ZFAND3: variants seen among roughly 807,000 people sequenced by gnomAD.
ZFAND3 encodes the protein AN1-type zinc finger protein 3.
In ZFAND3, 10 loss-of-function variants were observed where a neutral mutation model predicts 29.6. The observed-to-expected ratio is 0.34, with a 90% CI of 0.21 to 0.57. ZFAND3 has a LOEUF of 0.57. Ranked by LOEUF, ZFAND3 falls within the 20% of genes least tolerant of loss-of-function variation. ZFAND3 has a pLI of 0.86. For synonymous variants in ZFAND3, 128 were observed against 112.6 expected (o/e 1.14, Z -0.87); for missense variants, 230 against 304.5 (o/e 0.76, Z 1.82).
At chr6:37,955,831 A>G (rs939042282) in intron 2 of ZFAND3, among the ~76,000 whole-genome samples, 47 of 152,346 alleles carry the variant, frequency 3.1e-4, no homozygotes, top group African/African-American at 1.1e-3. Context: ...GGTGAAATCT[A>G]AATTACATTG....
intron 2 of ZFAND3, among the ~76,000 whole-genome samples, chr6:38,018,596 C>T (rs1763290906): frequency 6.6e-6 from 1 of 152,098 alleles, no homozygotes; most frequent in South Asian, 2.1e-4. Context: ...CTCAGAATTT[C>T]TTGGAGGTCA....
At chr6:38,073,260 A>G (rs1404485239) in intron 3 of ZFAND3, among the ~76,000 whole-genome samples, 1 of 152,034 alleles carries the variant, frequency 6.6e-6, no homozygotes, top group Non-Finnish European at 1.5e-5. Flanking sequence ...TTTCTAAGGA[A>G]AGTGTTGCAG....
At chr6:38,063,292 T>C (rs1343462044) in intron 3 of ZFAND3, among the ~76,000 whole-genome samples, 1 of 152,152 alleles carries the variant, frequency 6.6e-6, no homozygotes, top group Non-Finnish European at 1.5e-5. Context: ...TCAAAGAATT[T>C]GAAGGGGAAA....
At chr6:37,955,308 A>G (rs1164889013) in intron 2 of ZFAND3, among the ~76,000 whole-genome samples, 3 of 152,200 alleles carry the variant, frequency 2.0e-5, no homozygotes, top group African/African-American at 7.2e-5. Flanking sequence ...CCTCCAGATC[A>G]TCTTTATTAA....
At chr6:37,928,844 A>G (rs1383515115) in intron 1 of ZFAND3, among the ~76,000 whole-genome samples, 30 of 152,092 alleles carry the variant, frequency 2.0e-4, no homozygotes, top group Non-Finnish European at 1.0e-4. Flanking sequence ...ATTGCCCACC[A>G]TGTAGTCCCT....
rs556757492 is a variant in ZFAND3, at chr6:38,126,616, T to C, written c.529+9877T>C. Among the ~76,000 whole-genome samples, 10 of 152,364 alleles carry C rather than the reference T, an allele frequency of 6.6e-5. No homozygotes were observed. In the South Asian group the frequency reaches 1.9e-3, roughly 28 times the overall value. ...GTGGCTGTGTAGTAGTATCTCATTA[T>C]GGTATATTAATTTGTATTTCCCTAA... On this transcript the variant is annotated intron_variant, in intron 5 of 5. Coordinates refer to ENST00000287218, the MANE Select transcript of ZFAND3 (RefSeq NM_021943.3).
chr6:37,989,419 CA>C (rs1220831471), intron 2 of ZFAND3, among the ~76,000 whole-genome samples: 1 of 152,182 alleles, frequency 6.6e-6, no homozygotes, highest in African/African-American at 2.4e-5. Flanking sequence ...GGTTTACAGA[CA>C]CCTTCTTGCT....
intron 4 of ZFAND3, among the ~76,000 whole-genome samples, chr6:38,093,483 T>C (rs369813222): frequency 7.6e-4 from 116 of 152,268 alleles, no homozygotes; most frequent in African/African-American, 2.7e-3. Context: ...GAAACAATGA[T>C]TAAAACTGTG....
At chr6:37,966,724 AAAC>A (rs1475069513) in intron 2 of ZFAND3, among the ~76,000 whole-genome samples, 2 of 152,158 alleles carry the variant, frequency 1.3e-5, no homozygotes, top group Admixed American at 1.3e-4. Flanking sequence ...TTTGTAACTA[AAAC>A]AAAATGTCCA....
chr6:38,066,732 T>C (rs1464150884), intron 3 of ZFAND3, among the ~76,000 whole-genome samples: 1 of 152,046 alleles, frequency 6.6e-6, no homozygotes, highest in Non-Finnish European at 1.5e-5. Flanking sequence ...GTGGTGAGAG[T>C]CTGGGTACAT....
chr6:37,979,579 A>G (rs562875494), intron 2 of ZFAND3, among the ~76,000 whole-genome samples: 10 of 152,322 alleles, frequency 6.6e-5, no homozygotes, highest in Non-Finnish European at 1.0e-4. Context: ...TGAGTACTCT[A>G]TGCAATGCTC....
intron 5 of ZFAND3, among the ~76,000 whole-genome samples, chr6:38,124,661 AAGCGCCGCGCGC>A (rs1765599094): frequency 2.6e-5 from 4 of 152,106 alleles, no homozygotes; most frequent in Admixed American, 2.0e-4. Context: ...GCTGGCCCAT[AAGCGCCGCGCGC>A]AGCCCAGGTT....
chr6:38,147,094 T>C (rs1766126874), intron 5 of ZFAND3, among the ~76,000 whole-genome samples: 1 of 152,208 alleles, frequency 6.6e-6, no homozygotes, highest in African/African-American at 2.4e-5. Context: ...AATTTATTCC[T>C]TCTATCTTAC....
chr6:38,034,896 T>C lies in ZFAND3; in HGVS notation c.113-26697T>C, dbSNP rs546672818. Among the ~76,000 whole-genome samples, 173 of 152,284 alleles carry C rather than the reference T, an allele frequency of 1.1e-3. 1 individual carries two copies. The Middle Eastern group carries it at 0.014, about 12-fold the overall frequency. On this transcript the variant is annotated intron_variant, in intron 2 of 5. Coordinates refer to ENST00000287218, the MANE Select transcript of ZFAND3 (RefSeq NM_021943.3). ...AAAAAGGGTTTTATTTTTATTTTTA[T>C]TTTTTCTAAGTATGGAAATAGCAGC... is the stretch of plus-strand genomic sequence containing the variant.
chr6:38,112,200 A>G (rs932275899), intron 4 of ZFAND3, among the ~76,000 whole-genome samples: 6 of 152,196 alleles, frequency 3.9e-5, no homozygotes, highest in African/African-American at 1.4e-4. Context: ...TCTGGTGAGT[A>G]CCAAGAGTTG....
intron 1 of ZFAND3, among the ~76,000 whole-genome samples, chr6:37,864,990 G>C (rs1413350682): frequency 6.6e-6 from 1 of 152,112 alleles, no homozygotes; most frequent in Admixed American, 6.5e-5. Context: ...GACCAGCCTG[G>C]CCAATATGGT....
At chr6:37,875,975 T>C (rs1422115065) in intron 1 of ZFAND3, among the ~76,000 whole-genome samples, 1 of 152,166 alleles carries the variant, frequency 6.6e-6, no homozygotes, top group Non-Finnish European at 1.5e-5. Flanking sequence ...CTTTATAATA[T>C]GTGAATGTTT....
At chr6:37,824,511 A>G (rs769320042) in intron 1 of ZFAND3, among the ~76,000 whole-genome samples, 1 of 152,244 alleles carries the variant, frequency 6.6e-6, no homozygotes, top group African/African-American at 2.4e-5. Flanking sequence ...CTATTTAAGT[A>G]CAGAAATATA....
intron 5 of ZFAND3, among the ~76,000 whole-genome samples, chr6:38,117,256 CTTTTTTTT>C (rs35684874): frequency 6.2e-5 from 6 of 96,352 alleles, no homozygotes; most frequent in African/African-American, 1.3e-4. Context: ...TTGAAATAGC[CTTTTTTTT>C]TTTTTTTTTT....
Sources: allele counts gnomAD v4.1 joint callset (sites outside exome capture counted in the v4.1 genomes callset), GRCh38; gene constraint gnomAD v4.1.1; transcripts MANE v1.5; gene names NCBI Gene and HGNC (gene_info 2026-07-23, HGNC 2026-07-21).